Variants in RBM45 observed in about 807,000 individuals in gnomAD.
RBM45 encodes RNA-binding protein 45.
RBM45 carries 39 observed loss-of-function variants against 58.5 expected under a neutral mutation model. The observed-to-expected ratio is 0.67, with a 90% CI of 0.52 to 0.87. The LOEUF is 0.87. Ranked by LOEUF, RBM45 falls within the 40% of genes least tolerant of loss-of-function variation. The pLI is 0.00. For synonymous variants in RBM45, 193 were observed against 203.0 expected, an observed-to-expected ratio of 0.95 and a Z score of 0.42; for missense variants, 481 against 581.6, an observed-to-expected ratio of 0.83 and a Z score of 1.78.
At chr2:178,124,329 T>A in intron 8 of RBM45, 39 bp downstream of exon 8, 1 of 1,266,546 alleles carries the variant, frequency 7.9e-7, no homozygotes, top group South Asian at 1.6e-5. Flanking sequence ...TTATTTACAC[T>A]AGTAATTTAA....
intron 3 of RBM45, among the ~76,000 whole-genome samples, chr2:178,135,331 C>G (rs1305282835): frequency 2.6e-5 from 4 of 152,218 alleles, no homozygotes. Context: ...AAGATAGCAC[C>G]TACCTTTGGT....
At chr2:178,117,777 G>T (rs1032133398) in intron 2 of RBM45, among the ~76,000 whole-genome samples, 1 of 152,148 alleles carries the variant, frequency 6.6e-6, no homozygotes, top group Non-Finnish European at 1.5e-5. Flanking sequence ...CAGAGCTCTG[G>T]CTCTTAACCA....
At chr2:178,128,779 C>T (rs2087969317) in intron 9 of RBM45, among the ~76,000 whole-genome samples, 1 of 152,056 alleles carries the variant, frequency 6.6e-6, no homozygotes, top group Non-Finnish European at 1.5e-5. Flanking sequence ...TTTATTTTTG[C>T]TGCGGATCTC....
At chr2:178,132,325 G>A (rs1042029709), downstream of RBM45, among the ~76,000 whole-genome samples, 7 of 152,134 alleles carry the variant, frequency 4.6e-5, no homozygotes, top group Admixed American at 2.6e-4. Flanking sequence ...AGTTTCACAG[G>A]TTTCATCTAC....
chr2:178,125,177 T>C (rs1375414650), intron 8 of RBM45, among the ~76,000 whole-genome samples: 1 of 152,218 alleles, frequency 6.6e-6, no homozygotes, highest in African/African-American at 2.4e-5. Flanking sequence ...ATTTAACTGA[T>C]ATATTTAGTT....
At chr2:178,129,979 T>C (rs2087989367), downstream of RBM45, among the ~76,000 whole-genome samples, 1 of 152,244 alleles carries the variant, frequency 6.6e-6, no homozygotes, top group Non-Finnish European at 1.5e-5. Flanking sequence ...TCATTGGAAA[T>C]ATTTTGTACT....
chr2:178,119,232 A>C (rs1028617281), intron 3 of RBM45, among the ~76,000 whole-genome samples: 3 of 152,248 alleles, frequency 2.0e-5, no homozygotes, highest in African/African-American at 7.2e-5. Flanking sequence ...TGCCAAATGA[A>C]AAAAATGTTC....
At chr2:178,130,674 A>G (rs79420985), downstream of RBM45, among the ~76,000 whole-genome samples, 17,241 of 152,268 alleles carry the variant, frequency 0.11, 1,292 homozygotes, top group East Asian at 0.2. Context: ...ACTTTTTATA[A>G]AAAGGTATTA....
At position 178,126,214 on chromosome 2, in the gene RBM45, C is replaced by T. The variant is rs772010905; in HGVS notation, c.*8+30C>T. On this transcript the variant is annotated intron_variant, in intron 9 of 9. Transcript: ENST00000286070. ...GCCCTTTTTAATCTGAATTTTAAAA[C>T]ATATTGAGTAAATAGTATATGAGGA... The T allele has an allele frequency of 4.8e-6, 7 of 1,460,226 alleles. No individual in the cohort carries two copies. In the South Asian group the frequency reaches 7.0e-5, roughly 15 times the overall value. The allele number at this position is 1,460,226 out of a possible 1,614,324, so 90.5% of individuals were successfully genotyped here. A position where few individuals can be genotyped will look rare whatever the true frequency, so the allele number is the denominator to read the frequency against.
chr2:178,112,545 C>T lies in RBM45; in HGVS notation c.-2C>T, dbSNP rs2087715867. 6.2e-7 allele frequency: 1 copy of T among 1,612,260 alleles called. No individual in the cohort carries two copies. The highest frequency in any genetic ancestry group is 8.5e-7 in the Non-Finnish European group (1 of 1,179,272). On this transcript the variant is annotated 5_prime_UTR_variant, in exon 1 of 10. Transcript: ENST00000286070. ...GAGGCTCCTGCATTCGGGTGGAGCA[C>T]CATGGACGAAGCTGGCAGCTCTGCG...
intron 2 of RBM45, 23 bp downstream of exon 2, chr2:178,116,407 A>G (rs1445459260): frequency 6.3e-7 from 1 of 1,593,578 alleles, no homozygotes; most frequent in African/African-American, 1.4e-5. Context: ...ATCAGCTAGC[A>G]TATGTGATAA....
intron 3 of RBM45, among the ~76,000 whole-genome samples, chr2:178,136,305 G>A (rs944356811): frequency 6.6e-5 from 10 of 152,172 alleles, no homozygotes; most frequent in South Asian, 2.1e-4. Flanking sequence ...GCGAGACTCC[G>A]TCTCAAACAA....
chr2:178,123,370 C>A, intron 5 of RBM45, 152 bp from the exon 6 acceptor site: 1 of 671,548 alleles, frequency 1.5e-6, no homozygotes, highest in Non-Finnish European at 2.3e-6. Context: ...CACATGATAA[C>A]AGAACTGTGT....
At chr2:178,138,227 T>C (rs1222742317) in exon 4 of RBM45, 1 of 152,178 alleles carries the variant, frequency 6.6e-6, no homozygotes, top group Non-Finnish European at 1.5e-5. Context: ...ATCAATGTTA[T>C]ATATTGTGCT....
intron 5 of RBM45, among the ~76,000 whole-genome samples, chr2:178,122,900 C>T (rs1443830869): frequency 1.3e-5 from 2 of 152,088 alleles, no homozygotes; most frequent in African/African-American, 4.8e-5. Flanking sequence ...GTCACAAACT[C>T]CTGGGCTCTC....
At chr2:178,134,406 G>A (rs116508695), downstream of RBM45, among the ~76,000 whole-genome samples, 116 of 152,188 alleles carry the variant, frequency 7.6e-4, no homozygotes, top group African/African-American at 2.4e-3. Context: ...GTGAAACTAC[G>A]TTCTCTGAAT....
At chr2:178,128,741 A>C (rs1388117697) in intron 9 of RBM45, among the ~76,000 whole-genome samples, 1 of 152,308 alleles carries the variant, frequency 6.6e-6, no homozygotes, top group Non-Finnish European at 1.5e-5. Flanking sequence ...CACGGTTTTG[A>C]ATTTCTTCTA....
intron 1 of RBM45, 107 bp downstream of exon 1, chr2:178,112,953 C>G: frequency 8.3e-7 from 1 of 1,205,210 alleles, no homozygotes. Context: ...CATCCGTTCC[C>G]GGCAGCTGAC....
chr2:178,117,329 A>G (rs550786810), intron 2 of RBM45, among the ~76,000 whole-genome samples: 12 of 152,302 alleles, frequency 7.9e-5, no homozygotes, highest in South Asian at 2.1e-4. Flanking sequence ...ATGAACAAAT[A>G]TAACACTTTA....
Sources: allele counts gnomAD v4.1 joint callset (sites outside exome capture counted in the v4.1 genomes callset), GRCh38; gene constraint gnomAD v4.1.1; transcripts MANE v1.5; gene names NCBI Gene and HGNC (gene_info 2026-07-23, HGNC 2026-07-21).